Variants in PRMT8 observed in about 807,000 individuals in gnomAD.
PRMT8 encodes the protein protein arginine N-methyltransferase 8.
In PRMT8, 7 loss-of-function variants were observed where a neutral mutation model predicts 47.1. The observed-to-expected ratio is 0.15, with a 90% CI of 0.08 to 0.28. The LOEUF is 0.28. Among genes scored for constraint, PRMT8 ranks in the 10% least tolerant of loss-of-function variants. The pLI is 1.00. For missense variants in PRMT8, 237 were observed against 505.4 expected, an observed-to-expected ratio of 0.47 and a Z score of 5.09; for synonymous variants, 188 against 186.5, an observed-to-expected ratio of 1.01 and a Z score of -0.07.
In PRMT8 at chr12:3,429,822, A is replaced by C. The variant is rs370576418; in HGVS notation, c.48+48380A>C. The stretch of plus-strand genomic sequence containing the variant: ...CTCTGGTAAGGTGGTCCACCGGGGC[A>C]ATTGCCTACCCAGGAGTGCTCTTTG... On this transcript the variant is annotated intron_variant, in intron 1 of 9. Transcript: ENST00000452611. Among the ~76,000 whole-genome samples, 6 of 152,214 alleles carry C rather than the reference A, an allele frequency of 3.9e-5. No homozygotes were observed. The East Asian group carries it at 7.7e-4, about 20-fold the overall frequency.
chr12:3,458,930 C>T (rs976382693), intron 1 of PRMT8, among the ~76,000 whole-genome samples: 2 of 152,230 alleles, frequency 1.3e-5, no homozygotes, highest in Non-Finnish European at 2.9e-5. Flanking sequence ...CAGAGGTCTC[C>T]ACTCACAATT....
chr12:3,436,477 CTTTCTTT>C lies in PRMT8; in HGVS notation c.48+55046_48+55052del, dbSNP rs1037088454. On this transcript the variant is annotated intron_variant, in intron 1 of 9. Coordinates refer to the PRMT8 transcript ENST00000452611. This position sits in a 1 kb window ranked among gnomAD's most constrained non-coding sequence, Gnocchi z 4.2. The stretch of plus-strand genomic sequence containing the variant: ...CAGAACCCAGGTAGCTGCTTTCTTT[CTTTCTTT>C]TTTCTTTTTTTTTATGAGCTGCTAT... Among the ~76,000 whole-genome samples, 11 of 152,052 alleles carry C rather than the reference CTTTCTTT, an allele frequency of 7.2e-5. No individual in the cohort carries two copies. Among genetic ancestry groups the C allele is most frequent in the African/African-American group, 2.7e-4 (11 of 41,414 alleles).
chr12:3,429,330 C>T (rs1053501265), intron 1 of PRMT8, among the ~76,000 whole-genome samples: 5 of 152,184 alleles, frequency 3.3e-5, no homozygotes, highest in African/African-American at 1.2e-4. Context: ...ACTAAGTTTT[C>T]CTGGTGTCAT....
At chr12:3,536,710 G>T (rs1866124248) in intron 1 of PRMT8, among the ~76,000 whole-genome samples, 1 of 152,236 alleles carries the variant, frequency 6.6e-6, no homozygotes, top group Non-Finnish European at 1.5e-5. Context: ...CTGGATGGAG[G>T]TTGACTTTGT....
At chr12:3,447,444 TG>T (rs1864870081) in intron 1 of PRMT8, among the ~76,000 whole-genome samples, 1 of 152,208 alleles carries the variant, frequency 6.6e-6, no homozygotes, top group Non-Finnish European at 1.5e-5. Flanking sequence ...TTCTCACCTC[TG>T]GGCCTTTGCT....
At position 3,569,605 on chromosome 12, in the gene PRMT8, A is replaced by G. The variant is rs1451122291; in HGVS notation, c.712+41A>G. The G allele has an allele frequency of 1.9e-6, 3 of 1,550,038 alleles. No homozygotes were observed. The highest frequency in any genetic ancestry group is 1.1e-5 in the South Asian group (1 of 89,836). Reference sequence around the variant, plus strand: ...CTTCTCCGGTGGACTTCCACTGCACAATTGGGGTGGGAGGCACTCCAGTGG... The same window carrying G: ...CTTCTCCGGTGGACTTCCACTGCACGATTGGGGTGGGAGGCACTCCAGTGG... On this transcript the variant is annotated intron_variant, in intron 6 of 9. Coordinates refer to ENST00000382622, the MANE Select transcript of PRMT8 (RefSeq NM_019854.5). The surrounding 1 kb of genome is among the most constrained non-coding windows in gnomAD (Gnocchi z 8.2).
At chr12:3,398,068 C>A (rs987990495) in intron 1 of PRMT8, among the ~76,000 whole-genome samples, 1 of 152,006 alleles carries the variant, frequency 6.6e-6, no homozygotes, top group Admixed American at 6.6e-5. Context: ...CTTCGGCTCG[C>A]GCACGGTGCG....
At chr12:3,466,457 C>G (rs550347283) in intron 1 of PRMT8, among the ~76,000 whole-genome samples, 29 of 152,282 alleles carry the variant, frequency 1.9e-4, no homozygotes, top group Non-Finnish European at 2.9e-4. Flanking sequence ...CTGGGCAAGT[C>G]AGTTAACCTC....
At chr12:3,521,671 A>G (rs1032960971) in intron 1 of PRMT8, among the ~76,000 whole-genome samples, 36 of 152,222 alleles carry the variant, frequency 2.4e-4, no homozygotes, top group African/African-American at 6.8e-4. Context: ...AGTAAACGAA[A>G]AAATGGTCAG....
At chr12:3,478,140 T>A (rs1865233607) in intron 1 of PRMT8, among the ~76,000 whole-genome samples, 1 of 152,172 alleles carries the variant, frequency 6.6e-6, no homozygotes, top group Admixed American at 6.5e-5. Flanking sequence ...GGACAGGGCC[T>A]GGGTGAGTTG....
intron 1 of PRMT8, among the ~76,000 whole-genome samples, chr12:3,416,628 G>A (rs1052767494): frequency 6.6e-6 from 1 of 152,238 alleles, no homozygotes; most frequent in Non-Finnish European, 1.5e-5. Context: ...GCAGCACAGA[G>A]CTCTTTACAG....
rs78368231 is a variant in PRMT8 at position 3,496,085 on chromosome 12, C to G, written c.75+4385C>G. ...TGCTTTACTGATACTTGGTGAAAGT[C>G]TGATGCATGATGCATTATTTATGGC... On this transcript the variant is annotated intron_variant, in intron 1 of 9. Coordinates refer to ENST00000382622, the MANE Select transcript of PRMT8 (RefSeq NM_019854.5). Among the ~76,000 whole-genome samples the G allele has an allele frequency of 4.0e-5, 6 of 151,338 alleles. No homozygotes were observed. The East Asian group carries it at 1.2e-3, about 30-fold the overall frequency.
At chr12:3,542,466 T>A (rs879287397) in intron 2 of PRMT8, among the ~76,000 whole-genome samples, 14 of 152,216 alleles carry the variant, frequency 9.2e-5, no homozygotes, top group Non-Finnish European at 1.9e-4. Context: ...CAAAAGAGAC[T>A]CTGCGAAGGC....
At chr12:3,517,424 T>C (rs74507398) in intron 1 of PRMT8, among the ~76,000 whole-genome samples, 127 of 152,166 alleles carry the variant, frequency 8.3e-4, no homozygotes, top group African/African-American at 2.8e-3. Context: ...ACAGAAGCCA[T>C]AGACAAACCC....
chr12:3,424,136 A>G (rs1864575345), intron 1 of PRMT8, among the ~76,000 whole-genome samples: 1 of 152,232 alleles, frequency 6.6e-6, no homozygotes, highest in Admixed American at 6.5e-5. Context: ...CATCATAGAA[A>G]GTTTGAAACA....
At chr12:3,560,214 T>G (rs924783663) in intron 4 of PRMT8, among the ~76,000 whole-genome samples, 6 of 152,180 alleles carry the variant, frequency 3.9e-5, no homozygotes, top group Non-Finnish European at 8.8e-5. Context: ...GATGCTTCCA[T>G]GGAAATGCTT....
chr12:3,549,158 G>A (rs1413998165), intron 2 of PRMT8, among the ~76,000 whole-genome samples: 4 of 152,166 alleles, frequency 2.6e-5, no homozygotes, highest in Non-Finnish European at 5.9e-5. Context: ...ACTTTCTGGG[G>A]TGATAGAAAT....
chr12:3,534,366 A>T (rs1866083519), intron 1 of PRMT8, among the ~76,000 whole-genome samples: 1 of 152,172 alleles, frequency 6.6e-6, no homozygotes, highest in African/African-American at 2.4e-5. Context: ...TGGTGCAGAG[A>T]GTGCTGGCTT....
intron 1 of PRMT8, among the ~76,000 whole-genome samples, chr12:3,411,529 T>C (rs1864429884): frequency 6.6e-6 from 1 of 152,258 alleles, no homozygotes; most frequent in Non-Finnish European, 1.5e-5. Context: ...CTGTATGTGC[T>C]GTATGGTACT....
Sources: allele counts gnomAD v4.1 joint callset (sites outside exome capture counted in the v4.1 genomes callset), GRCh38; gene constraint gnomAD v4.1.1; non-coding constraint Gnocchi (gnomAD v3.1); transcripts MANE v1.5; gene names NCBI Gene and HGNC (gene_info 2026-07-23, HGNC 2026-07-21).